CRIM1: variants seen among roughly 807,000 people sequenced by gnomAD.
CRIM1 encodes the protein cysteine rich transmembrane BMP regulator 1, also known as cysteine-rich motor neuron 1 protein.
A neutral mutation model predicts 116.4 loss-of-function variants in CRIM1; 32 were observed. The observed-to-expected ratio is 0.27, with a 90% confidence interval of 0.21 to 0.37. The LOEUF is 0.37. Among genes scored for constraint, CRIM1 ranks in the 10% least tolerant of loss-of-function variants. CRIM1 has a pLI of 1.00. For missense variants in CRIM1, 1,331 were observed against 1,354.8 expected (o/e 0.98, Z 0.28); for synonymous variants, 590 against 509.2 (o/e 1.16, Z -2.13).
At chr2:36,521,988 G>A (rs1665425317) in intron 12 of CRIM1, 104 bp from the exon 13 acceptor site, 1 of 856,860 alleles carries the variant, frequency 1.2e-6, no homozygotes, top group South Asian at 1.5e-5. Context: ...TATTTAAGGA[G>A]GCACCGAAAG....
intron 2 of CRIM1, among the ~76,000 whole-genome samples, chr2:36,433,659 G>A (rs1388221980): frequency 6.6e-6 from 1 of 152,188 alleles, no homozygotes; most frequent in Non-Finnish European, 1.5e-5. Context: ...TTGGTTTGAG[G>A]TGGGATCCAG....
intron 7 of CRIM1, among the ~76,000 whole-genome samples, chr2:36,481,154 CTTG>C (rs1679387401): frequency 6.6e-6 from 1 of 152,170 alleles, no homozygotes; most frequent in Non-Finnish European, 1.5e-5. Flanking sequence ...ACTTTAAAAA[CTTG>C]TTGAATAAAA....
At chr2:36,388,797 C>T (rs1202549048) in intron 1 of CRIM1, among the ~76,000 whole-genome samples, 2 of 151,986 alleles carry the variant, frequency 1.3e-5, no homozygotes, top group Non-Finnish European at 2.9e-5. Context: ...GAAACTGGTG[C>T]TTCTCTGTTA....
chr2:36,491,715 A>G (rs368375372), intron 7 of CRIM1, among the ~76,000 whole-genome samples: 2 of 152,250 alleles, frequency 1.3e-5, no homozygotes, highest in South Asian at 2.1e-4. Context: ...CTGGTTTTCA[A>G]CCATTTGCCA....
At position 36,550,549 on chromosome 2, in the gene CRIM1, T is replaced by A. The variant is rs1156315398; in HGVS notation, c.*1848T>A. 1 of 152,496 alleles carries A rather than the reference T, an allele frequency of 6.6e-6. No individual in the cohort carries two copies. The highest frequency in any genetic ancestry group is 1.5e-5 in the Non-Finnish European group (1 of 68,002). The allele number at this position is 152,496 out of a possible 1,614,324, so 9.4% of individuals were successfully genotyped here. On this transcript the variant is annotated 3_prime_UTR_variant, in exon 17 of 17. Coordinates refer to ENST00000280527, the MANE Select transcript of CRIM1 (RefSeq NM_016441.3). Reference sequence around the variant, plus strand: ...AGAGGTTGCTGAACTTTAAAAAAAATTAATTTATTATTATAATGACCTAAT... The same window carrying A: ...AGAGGTTGCTGAACTTTAAAAAAAAATAATTTATTATTATAATGACCTAAT...
intron 14 of CRIM1, among the ~76,000 whole-genome samples, chr2:36,541,820 C>A (rs538342850): frequency 2.6e-5 from 4 of 152,132 alleles, no homozygotes; most frequent in African/African-American, 9.7e-5. Flanking sequence ...AAGGGCTCTT[C>A]TAGTAAATAC....
intron 7 of CRIM1, among the ~76,000 whole-genome samples, chr2:36,490,172 T>A (rs1241577818): frequency 1.3e-5 from 2 of 152,162 alleles, no homozygotes; most frequent in African/African-American, 4.8e-5. Flanking sequence ...AAGAATTCAT[T>A]AATTAGCCAT....
intron 4 of CRIM1, among the ~76,000 whole-genome samples, chr2:36,453,035 C>A (rs1005007941): frequency 6.6e-6 from 1 of 152,188 alleles, no homozygotes; most frequent in Non-Finnish European, 1.5e-5. Context: ...AGCTAATAAG[C>A]AAGTCTAAAA....
intron 2 of CRIM1, among the ~76,000 whole-genome samples, chr2:36,417,458 T>C (rs1673705764): frequency 6.6e-6 from 1 of 152,204 alleles, no homozygotes; most frequent in Non-Finnish European, 1.5e-5. Flanking sequence ...AATACTGTCA[T>C]AGCAGATTGT....
intron 14 of CRIM1, among the ~76,000 whole-genome samples, chr2:36,542,611 C>A (rs1432132886): frequency 6.6e-6 from 1 of 152,232 alleles, no homozygotes; most frequent in Non-Finnish European, 1.5e-5. Flanking sequence ...ATTGGTGTCG[C>A]ATTTGCCCTT....
chr2:36,433,146 A>G (rs1353231395), intron 2 of CRIM1, among the ~76,000 whole-genome samples: 2 of 152,092 alleles, frequency 1.3e-5, no homozygotes, highest in Admixed American at 1.3e-4. Flanking sequence ...GTTCATCTCA[A>G]ACTTTACTGT....
intron 1 of CRIM1, among the ~76,000 whole-genome samples, chr2:36,359,882 C>G (rs896355373): frequency 6.6e-6 from 1 of 152,140 alleles, no homozygotes; most frequent in Non-Finnish European, 1.5e-5. Flanking sequence ...TTCCATTCGT[C>G]TGCTAAGACC....
chr2:36,458,063 A>G (rs940871694), intron 4 of CRIM1, among the ~76,000 whole-genome samples: 1 of 152,210 alleles, frequency 6.6e-6, no homozygotes, highest in African/African-American at 2.4e-5. Context: ...GAAGGCCTCA[A>G]GCACTCACTT....
At chr2:36,499,467 A>G (rs530408681) in intron 8 of CRIM1, 120 bp downstream of exon 8, 3 of 991,970 alleles carry the variant, frequency 3.0e-6, no homozygotes, top group South Asian at 3.4e-5. Context: ...ACCTGAAAAA[A>G]AGGGGAAAAA....
chr2:36,384,913 A>G (rs1047007895), intron 1 of CRIM1, among the ~76,000 whole-genome samples: 2 of 152,228 alleles, frequency 1.3e-5, no homozygotes, highest in Admixed American at 6.5e-5. Context: ...AGGTTTTGAC[A>G]TACATGCCAG....
At chr2:36,546,599 CTAA>C (rs1293605649) in intron 15 of CRIM1, among the ~76,000 whole-genome samples, 1 of 152,028 alleles carries the variant, frequency 6.6e-6, no homozygotes, top group Non-Finnish European at 1.5e-5. Flanking sequence ...AATAAATCAG[CTAA>C]TGTTTCTCCT....
chr2:36,536,280 C>T (rs147866875), intron 13 of CRIM1, among the ~76,000 whole-genome samples: 1 of 152,214 alleles, frequency 6.6e-6, no homozygotes. Context: ...TCTGACCCTT[C>T]AAGAGCTTCC....
rs1047903909 is a variant in CRIM1, at chr2:36,550,198, T to C, written c.*1497T>C. ...TTTGCTCACTGGCCAGAGACATTGA[T>C]GGCAGTTCTTATCTGCATCACTAAT... On this transcript the variant is annotated 3_prime_UTR_variant, in exon 17 of 17. Coordinates refer to ENST00000280527, the MANE Select transcript of CRIM1 (RefSeq NM_016441.3). 4 of 152,346 alleles carry C rather than the reference T, an allele frequency of 2.6e-5. No homozygotes were observed. The highest frequency in any genetic ancestry group is 9.7e-5 in the African/African-American group (4 of 41,360). 9.4% of individuals were successfully genotyped at this position (152,346 alleles called of 1,614,324 possible).
chr2:36,442,345 G>C (rs942173681), intron 3 of CRIM1, among the ~76,000 whole-genome samples: 3 of 151,672 alleles, frequency 2.0e-5, no homozygotes, highest in African/African-American at 7.3e-5. Context: ...CTGGCTAACT[G>C]TCACTATCCA....
Sources: gnomAD v4.1 joint callset for allele counts (sites outside exome capture counted in the v4.1 genomes callset) on GRCh38, gnomAD v4.1.1 for gene constraint, MANE v1.5 for transcripts, NCBI Gene and HGNC (gene_info 2026-07-23, HGNC 2026-07-21) for gene names.